UVRAG: variants seen among roughly 807,000 people sequenced by gnomAD.
UVRAG encodes UV radiation resistance-associated gene protein.
Under a neutral mutation model 78.0 loss-of-function variants are expected in UVRAG, and 19 were observed. The observed-to-expected ratio is 0.24, with a 90% confidence interval of 0.17 to 0.36. UVRAG has a LOEUF of 0.36. Among genes scored for constraint, UVRAG ranks in the 10% least tolerant of loss-of-function variants. The pLI, the probability that UVRAG is intolerant of heterozygous loss-of-function variation, is 1.00. For missense variants in UVRAG, 740 were observed against 853.8 expected, an observed-to-expected ratio of 0.87 and a Z score of 1.66; for synonymous variants, 323 against 324.6, an observed-to-expected ratio of 1.00 and a Z score of 0.05.
In UVRAG at chr11:76,140,730, A is replaced by G; in HGVS notation, c.1417A>G (p.Ser473Gly). 1 of 1,593,116 alleles carries G rather than the reference A, an allele frequency of 6.3e-7. No individual in the cohort carries two copies. Among genetic ancestry groups the G allele is most frequent in the Non-Finnish European group, 8.5e-7 (1 of 1,171,584 alleles). Residue 473 changes from serine (S) to glycine (G), a missense_variant, in exon 15 of 15, where the codon AGT becomes GGT. By Grantham distance (56) the Ser-to-Gly change is moderately conservative (BLOSUM62 0). Coordinates refer to ENST00000356136, the MANE Select transcript of UVRAG (RefSeq NM_003369.4). ...MVRCDRHHTSSAIPVPKRQSS... is the reference protein window; with the variant it reads ...MVRCDRHHTSGAIPVPKRQSS... ...TTCTAGTGACAGACATCACACCTCC[A>G]GTGCAATCCCTGTTCCTAAGAGACA... is the stretch of plus-strand genomic sequence containing the variant.
In UVRAG at chr11:75,866,376, T is replaced by TAAATA. The variant is rs1555077121; in HGVS notation, c.270+4613_270+4617dup. Among the ~76,000 whole-genome samples the TAAATA allele has an allele frequency of 9.2e-3, 1,389 of 150,328 alleles. 26 individuals carry two copies. The highest frequency in any genetic ancestry group is 0.033 in the African/African-American group (1,322 of 40,566). On this transcript the variant is annotated intron_variant, in intron 3 of 14. Coordinates refer to ENST00000356136, the MANE Select transcript of UVRAG (RefSeq NM_003369.4). ...TCTCTACAATAAATAAATAAATAAA[T>TAAATA]AAATAAAATAAAATAAAATAATTAG...
At chr11:76,025,108 C>A (rs115146300) in intron 12 of UVRAG, among the ~76,000 whole-genome samples, 102 of 152,214 alleles carry the variant, frequency 6.7e-4, no homozygotes, top group African/African-American at 2.4e-3. Context: ...TGGACTGATG[C>A]CTTGTCTAAA....
At chr11:76,070,462 A>G (rs927869602) in intron 13 of UVRAG, among the ~76,000 whole-genome samples, 6 of 152,014 alleles carry the variant, frequency 3.9e-5, no homozygotes, top group African/African-American at 1.5e-4. Context: ...AGTTTTTATC[A>G]CACACACCCA....
chr11:75,818,651 G>A (rs1945318590), intron 1 of UVRAG, among the ~76,000 whole-genome samples: 1 of 151,864 alleles, frequency 6.6e-6, no homozygotes, highest in Admixed American at 6.6e-5. Flanking sequence ...GCTAATTTTT[G>A]TATTTTTAGT....
intron 13 of UVRAG, among the ~76,000 whole-genome samples, chr11:76,109,181 G>A (rs1264555064): frequency 1.3e-5 from 2 of 152,184 alleles, no homozygotes; most frequent in Non-Finnish European, 2.9e-5. Context: ...AGAAGGAGCC[G>A]TAATGTTTAG....
At chr11:76,139,398 C>T (rs776621784) in intron 14 of UVRAG, among the ~76,000 whole-genome samples, 8 of 152,180 alleles carry the variant, frequency 5.3e-5, no homozygotes, top group Non-Finnish European at 1.2e-4. Flanking sequence ...CTGGTAGCTC[C>T]TTGGAGGAAG....
At chr11:76,078,124 T>C (rs1320971512) in intron 13 of UVRAG, among the ~76,000 whole-genome samples, 1 of 152,176 alleles carries the variant, frequency 6.6e-6, no homozygotes, top group Non-Finnish European at 1.5e-5. Context: ...TTATGAGCTA[T>C]ATGAAAAATG....
intron 6 of UVRAG, among the ~76,000 whole-genome samples, chr11:75,928,939 CAA>C (rs368913080): frequency 3.4e-4 from 23 of 67,480 alleles, no homozygotes; most frequent in East Asian, 2.5e-3. Context: ...GAGACTGTCT[CAA>C]AAAAAAAAAA....
chr11:76,069,853 A>G (rs1312031372), intron 13 of UVRAG, among the ~76,000 whole-genome samples: 1 of 152,126 alleles, frequency 6.6e-6, no homozygotes, highest in Non-Finnish European at 1.5e-5. Context: ...AAGTGCACCA[A>G]ATCAAAGAAG....
At position 75,895,948 on chromosome 11, in the gene UVRAG, A is replaced by C. The variant is rs1255382498; in HGVS notation, c.507+7045A>C. ...ATTAAACTAGGTACTGTGGGATACAAAAGTATAAGACATGGATTCAAAATT... is the reference window on the plus strand; with the variant it reads ...ATTAAACTAGGTACTGTGGGATACACAAGTATAAGACATGGATTCAAAATT... On this transcript the variant is annotated intron_variant, in intron 5 of 14. Coordinates refer to ENST00000356136, the MANE Select transcript of UVRAG (RefSeq NM_003369.4). Among the ~76,000 whole-genome samples the C allele has an allele frequency of 2.0e-5, 3 of 152,226 alleles. 1 individual carries two copies. The highest frequency in any genetic ancestry group is 2.0e-4 in the Admixed American group (3 of 15,284).
chr11:76,014,810 T>G (rs1466681035), intron 11 of UVRAG, among the ~76,000 whole-genome samples: 1 of 152,250 alleles, frequency 6.6e-6, no homozygotes, highest in Non-Finnish European at 1.5e-5. Context: ...TGTATGATAA[T>G]GAATTTATAA....
At chr11:75,992,224 A>G (rs1949621848) in intron 8 of UVRAG, among the ~76,000 whole-genome samples, 2 of 152,176 alleles carry the variant, frequency 1.3e-5, no homozygotes, top group South Asian at 2.1e-4. Flanking sequence ...AATTTTATAG[A>G]TATCTCTTCT....
chr11:76,126,583 C>A (rs1323821439), intron 14 of UVRAG, among the ~76,000 whole-genome samples: 1 of 152,126 alleles, frequency 6.6e-6, no homozygotes, highest in African/African-American at 2.4e-5. Flanking sequence ...TTTTTAGCAT[C>A]ATTTTTAATG....
chr11:76,118,398 A>G (rs988312710), intron 14 of UVRAG, among the ~76,000 whole-genome samples: 2 of 152,056 alleles, frequency 1.3e-5, no homozygotes, highest in African/African-American at 4.8e-5. Context: ...TTCTTGTCTT[A>G]CTATGTTTTA....
chr11:75,999,290 T>G (rs541025272), intron 8 of UVRAG, among the ~76,000 whole-genome samples: 3 of 151,784 alleles, frequency 2.0e-5, no homozygotes, highest in African/African-American at 4.8e-5. Flanking sequence ...GTTTGTGGGC[T>G]TATAGCATAC....
At chr11:76,130,946 T>C (rs1443931177) in intron 14 of UVRAG, among the ~76,000 whole-genome samples, 1 of 151,312 alleles carries the variant, frequency 6.6e-6, no homozygotes, top group East Asian at 1.9e-4. Flanking sequence ...TTTTTTTTTT[T>C]CATTTTTTCC....
chr11:75,949,712 T>TACAC (rs1216546112), intron 6 of UVRAG, among the ~76,000 whole-genome samples: 7 of 145,228 alleles, frequency 4.8e-5, no homozygotes, highest in African/African-American at 1.9e-4. Context: ...TATATATATA[T>TACAC]ATACACACAC....
intron 3 of UVRAG, among the ~76,000 whole-genome samples, chr11:75,868,486 A>G (rs1946581274): frequency 1.3e-5 from 2 of 152,228 alleles, no homozygotes. Context: ...AAGGCATAGC[A>G]TTACAATTAA....
At chr11:76,134,998 T>A (rs893011209) in intron 14 of UVRAG, among the ~76,000 whole-genome samples, 10 of 152,170 alleles carry the variant, frequency 6.6e-5, no homozygotes, top group African/African-American at 2.2e-4. Context: ...TAGACTCTCA[T>A]AGGAGCACGA....
Sources: gnomAD v4.1 joint callset for allele counts (sites outside exome capture counted in the v4.1 genomes callset) on GRCh38, gnomAD v4.1.1 for gene constraint, MANE v1.5 for transcripts, NCBI Gene and HGNC (gene_info 2026-07-23, HGNC 2026-07-21) for gene names.